SLC7A14: variants seen among roughly 807,000 people sequenced by gnomAD.
The protein encoded by SLC7A14 is solute carrier family 7 member 14, also known as gamma-aminobutyric acid transporter SLC7A14.
A neutral mutation model predicts 60.2 loss-of-function variants in SLC7A14; 37 were observed. That is an observed-to-expected ratio of 0.61 (90% CI 0.47 to 0.81). SLC7A14 has a LOEUF of 0.81. SLC7A14 is among the 30% of genes least tolerant of loss of function. The pLI is 0.00. For missense variants in SLC7A14, 886 were observed against 982.7 expected (o/e 0.90, Z 1.32); for synonymous variants, 399 against 395.8 (o/e 1.01, Z -0.10).
At chr3:170,573,001 GAGTCT>G in intron 1 of SLC7A14, among the ~76,000 whole-genome samples, 1 of 152,118 alleles carries the variant, frequency 6.6e-6, no homozygotes, top group Non-Finnish European at 1.5e-5. Context: ...AACCTCTTGG[GAGTCT>G]ATTCCTTCAG....
chr3:170,552,167 C>T lies in SLC7A14; in HGVS notation c.-152-25079G>A, dbSNP rs139971433. Among the ~76,000 whole-genome samples the T allele has an allele frequency of 4.0e-4, 61 of 152,224 alleles. 1 individual carries two copies. In the East Asian group the frequency reaches 9.8e-3, roughly 25 times the overall value. On this transcript the variant is annotated intron_variant, in intron 1 of 7. Coordinates refer to ENST00000231706, the MANE Select transcript of SLC7A14 (RefSeq NM_020949.3). ...GACTCAGCACCATTTGTTGAAAATA[C>T]TGATCTTTTCCCTACTGAATTGTGT...
intron 4 of SLC7A14, among the ~76,000 whole-genome samples, chr3:170,489,238 T>A (rs1187156078): frequency 6.6e-6 from 1 of 152,116 alleles, no homozygotes; most frequent in Non-Finnish European, 1.5e-5. Context: ...CCAGAATATA[T>A]AAGGAGCTCA....
At chr3:170,511,683 G>C (rs971725760) in intron 2 of SLC7A14, among the ~76,000 whole-genome samples, 2 of 152,192 alleles carry the variant, frequency 1.3e-5, no homozygotes, top group Non-Finnish European at 2.9e-5. Context: ...CTTTGCCTCA[G>C]AGTGGGATAA....
chr3:170,582,559 T>C (rs955432813), intron 1 of SLC7A14, among the ~76,000 whole-genome samples: 3 of 152,206 alleles, frequency 2.0e-5, no homozygotes, highest in African/African-American at 7.2e-5. Context: ...AGCAATAGCA[T>C]TCTTGACAGA....
chr3:170,538,625 C>T (rs1713919662), intron 1 of SLC7A14, among the ~76,000 whole-genome samples: 1 of 152,216 alleles, frequency 6.6e-6, no homozygotes, highest in Non-Finnish European at 1.5e-5. Context: ...CTTTACTGCT[C>T]TCAGTACACA....
intron 2 of SLC7A14, among the ~76,000 whole-genome samples, chr3:170,514,219 C>G (rs957364093): frequency 2.0e-5 from 3 of 152,194 alleles, no homozygotes; most frequent in Non-Finnish European, 4.4e-5. Flanking sequence ...CTGGCACATG[C>G]AAAGCTCCTG....
At chr3:170,477,565 G>T (rs1205471549) in intron 7 of SLC7A14, among the ~76,000 whole-genome samples, 1 of 152,174 alleles carries the variant, frequency 6.6e-6, no homozygotes, top group African/African-American at 2.4e-5. Flanking sequence ...CGGTACAAGT[G>T]CTCATTATTA....
At chr3:170,528,029 G>A (rs532497566) in intron 1 of SLC7A14, among the ~76,000 whole-genome samples, 8 of 152,300 alleles carry the variant, frequency 5.3e-5, no homozygotes, top group East Asian at 1.9e-4. Context: ...AATGCCACCC[G>A]TGGTATTGCA....
At chr3:170,519,331 C>T (rs1186113743) in intron 2 of SLC7A14, among the ~76,000 whole-genome samples, 1 of 152,156 alleles carries the variant, frequency 6.6e-6, no homozygotes, top group Non-Finnish European at 1.5e-5. Context: ...CCTTTCCTTC[C>T]TATCAACAGA....
At chr3:170,472,642 C>T (rs933629647) in intron 7 of SLC7A14, among the ~76,000 whole-genome samples, 9 of 151,968 alleles carry the variant, frequency 5.9e-5, no homozygotes, top group Admixed American at 1.3e-4. Context: ...CGGTGGGCAC[C>T]TGTAGTCCCA....
intron 4 of SLC7A14, among the ~76,000 whole-genome samples, chr3:170,486,626 C>A (rs982478743): frequency 8.9e-5 from 10 of 112,034 alleles, no homozygotes; most frequent in African/African-American, 3.1e-4. Flanking sequence ...GTAATCACAG[C>A]ACTTTGAGAG....
chr3:170,570,601 T>C (rs993506457), intron 1 of SLC7A14, among the ~76,000 whole-genome samples: 6 of 152,086 alleles, frequency 3.9e-5, no homozygotes, highest in East Asian at 1.9e-4. Flanking sequence ...TTTCTGAAAA[T>C]TGGAAACAAA....
intron 1 of SLC7A14, among the ~76,000 whole-genome samples, chr3:170,576,830 C>T (rs1715104995): frequency 6.6e-6 from 1 of 152,140 alleles, no homozygotes; most frequent in Non-Finnish European, 1.5e-5. Flanking sequence ...AGTAACTCCC[C>T]TCTCCTCCAG....
intron 2 of SLC7A14, among the ~76,000 whole-genome samples, chr3:170,520,267 C>T (rs1415349520): frequency 6.6e-6 from 1 of 152,182 alleles, no homozygotes; most frequent in Non-Finnish European, 1.5e-5. Flanking sequence ...CCACTTGTCA[C>T]ATATGGTTTT....
At chr3:170,540,661 G>C (rs1328584845) in intron 1 of SLC7A14, among the ~76,000 whole-genome samples, 1 of 152,146 alleles carries the variant, frequency 6.6e-6, no homozygotes, top group Non-Finnish European at 1.5e-5. Flanking sequence ...TCTGAGGCAG[G>C]TTCCTTTCCT....
chr3:170,471,090 G>GGTGTGTGTGTGT (rs113891859), intron 7 of SLC7A14, among the ~76,000 whole-genome samples: 12,278 of 146,364 alleles, frequency 0.084, 907 homozygotes, highest in African/African-American at 0.2. Flanking sequence ...TCTGGGAAGG[G>GGTGTGTGTGTGT]GTGTGTGTGT....
intron 2 of SLC7A14, among the ~76,000 whole-genome samples, chr3:170,518,974 G>A (rs144302025): frequency 1.3e-5 from 2 of 152,196 alleles, no homozygotes; most frequent in Non-Finnish European, 2.9e-5. Context: ...CCCATCTCTG[G>A]TCCAAACTTT....
intron 1 of SLC7A14, among the ~76,000 whole-genome samples, chr3:170,577,999 T>A (rs1715143039): frequency 6.6e-6 from 1 of 152,262 alleles, no homozygotes; most frequent in Non-Finnish European, 1.5e-5. Context: ...AATGACACTC[T>A]GGGAGCTCTC....
chr3:170,520,668 C>T (rs750163424), intron 2 of SLC7A14, among the ~76,000 whole-genome samples: 14 of 152,212 alleles, frequency 9.2e-5, no homozygotes, highest in South Asian at 4.2e-4. Flanking sequence ...GAATCCTTAC[C>T]AAAAACATTT....
Sources: gnomAD v4.1 joint callset for allele counts (sites outside exome capture counted in the v4.1 genomes callset) on GRCh38, gnomAD v4.1.1 for gene constraint, MANE v1.5 for transcripts, NCBI Gene and HGNC (gene_info 2026-07-23, HGNC 2026-07-21) for gene names.